The following RBFOX1 variants were observed in gnomAD, a reference collection of about 807,000 sequenced individuals.
RBFOX1 encodes the protein RNA binding fox-1 homolog 1.
A neutral mutation model predicts 57.7 loss-of-function variants in RBFOX1; 8 were observed. The observed-to-expected ratio is 0.14, with a 90% CI of 0.08 to 0.25. RBFOX1 has a LOEUF of 0.25. RBFOX1 is among the 10% of genes least tolerant of loss of function. The probability of loss-of-function intolerance (pLI) is 1.00; values close to 1 mark genes in which losing one functional copy is unlikely to be tolerated. For missense variants in RBFOX1, 611 were observed against 548.5 expected (o/e 1.11, Z -1.14); for synonymous variants, 326 against 222.4 (o/e 1.47, Z -4.15).
At chr16:6,800,552 G>T (rs1266029311) in intron 3 of RBFOX1, among the ~76,000 whole-genome samples, 1 of 152,118 alleles carries the variant, frequency 6.6e-6, no homozygotes, top group Non-Finnish European at 1.5e-5. Flanking sequence ...TACACTTTAA[G>T]TAACAAGCTT....
At chr16:7,239,914 G>C (rs1470019350) in intron 4 of RBFOX1, among the ~76,000 whole-genome samples, 3 of 152,158 alleles carry the variant, frequency 2.0e-5, no homozygotes, top group African/African-American at 4.8e-5. Context: ...TTGGTAGTTA[G>C]TATTTCAATT....
At chr16:7,281,497 GA>G (rs1260552400) in intron 4 of RBFOX1, among the ~76,000 whole-genome samples, 1 of 152,018 alleles carries the variant, frequency 6.6e-6, no homozygotes, top group Non-Finnish European at 1.5e-5. Flanking sequence ...AGTTTGTAGT[GA>G]AAAAGGATTG....
At chr16:5,889,546 T>G (rs2057994114) in intron 4 of RBFOX1, among the ~76,000 whole-genome samples, 1 of 152,260 alleles carries the variant, frequency 6.6e-6, no homozygotes, top group African/African-American at 2.4e-5. Flanking sequence ...TGTACCTTTA[T>G]AATAGAATGA....
At chr16:6,635,034 G>A (rs1452592716) in intron 2 of RBFOX1, among the ~76,000 whole-genome samples, 1 of 141,702 alleles carries the variant, frequency 7.1e-6, no homozygotes. Context: ...AATTATATAT[G>A]ACATGCATAT....
chr16:6,668,154 A>G (rs1050127127), intron 3 of RBFOX1, among the ~76,000 whole-genome samples: 3 of 152,234 alleles, frequency 2.0e-5, no homozygotes, highest in African/African-American at 4.8e-5. Flanking sequence ...AGTTGAGAGC[A>G]TAAGTAAAGG....
At chr16:5,647,939 A>T (rs896511752) in intron 3 of RBFOX1, among the ~76,000 whole-genome samples, 1 of 152,162 alleles carries the variant, frequency 6.6e-6, no homozygotes, top group African/African-American at 2.4e-5. Context: ...AGCTCACTGC[A>T]ACATCCACCT....
intron 4 of RBFOX1, among the ~76,000 whole-genome samples, chr16:7,129,446 G>C (rs2069590075): frequency 6.6e-6 from 1 of 152,126 alleles, no homozygotes; most frequent in African/African-American, 2.4e-5. Flanking sequence ...TAGAGATCAG[G>C]TGACAAAATA....
intron 3 of RBFOX1, among the ~76,000 whole-genome samples, chr16:5,677,713 A>G (rs1340349781): frequency 6.6e-6 from 1 of 152,198 alleles, no homozygotes; most frequent in Non-Finnish European, 1.5e-5. Flanking sequence ...TGAAAAACAC[A>G]TTTCTCTGAA....
At chr16:6,590,752 C>T (rs1005674129) in intron 2 of RBFOX1, among the ~76,000 whole-genome samples, 1 of 152,036 alleles carries the variant, frequency 6.6e-6, no homozygotes, top group Admixed American at 6.5e-5. Context: ...CTTAGCTGTC[C>T]GTGAAGGGTG....
At chr16:7,097,116 G>C (rs1286768157) in intron 4 of RBFOX1, among the ~76,000 whole-genome samples, 10 of 152,038 alleles carry the variant, frequency 6.6e-5, no homozygotes, top group Non-Finnish European at 1.5e-4. Context: ...AAATGTGCTT[G>C]GGAAATGCAA....
intron 3 of RBFOX1, among the ~76,000 whole-genome samples, chr16:6,924,067 G>C (rs1436574161): frequency 6.6e-6 from 1 of 151,972 alleles, no homozygotes; most frequent in East Asian, 1.9e-4. Flanking sequence ...CTTCTCGGGA[G>C]ACTGAGGCAT....
At chr16:7,208,883 G>A (rs959527052) in intron 4 of RBFOX1, among the ~76,000 whole-genome samples, 1 of 152,030 alleles carries the variant, frequency 6.6e-6, no homozygotes, top group South Asian at 2.1e-4. Context: ...GTTCTCCTAA[G>A]GACTAAGAGA....
chr16:5,425,996 G>A (rs373545094), intron 1 of RBFOX1, among the ~76,000 whole-genome samples: 21 of 152,318 alleles, frequency 1.4e-4, no homozygotes, highest in Admixed American at 7.8e-4. Context: ...GGGACAGGAA[G>A]TCTGGAGTGG....
At chr16:7,105,895 T>C (rs1166226474) in intron 4 of RBFOX1, among the ~76,000 whole-genome samples, 1 of 152,100 alleles carries the variant, frequency 6.6e-6, no homozygotes, top group East Asian at 1.9e-4. Context: ...ATTGTTTCAC[T>C]CAGGAGAGGT....
chr16:6,260,598 C>G (rs2097696085), intron 1 of RBFOX1, among the ~76,000 whole-genome samples: 2 of 152,160 alleles, frequency 1.3e-5, no homozygotes, highest in Admixed American at 6.5e-5. Context: ...TGCATCCAGG[C>G]CAGGCATGGT....
intron 1 of RBFOX1, among the ~76,000 whole-genome samples, chr16:6,103,845 C>A (rs1042228723): frequency 8.5e-5 from 13 of 152,090 alleles, no homozygotes; most frequent in Non-Finnish European, 1.2e-4. Context: ...TTGGTGAGGT[C>A]CACCCGCCAC....
chr16:5,581,300 A>T (rs1200623185), intron 2 of RBFOX1, among the ~76,000 whole-genome samples: 1 of 152,188 alleles, frequency 6.6e-6, no homozygotes, highest in Non-Finnish European at 1.5e-5. Context: ...TTGGGCGGAG[A>T]CAGAGGTCCT....
chr16:6,896,204 C>T (rs566587333), intron 3 of RBFOX1, among the ~76,000 whole-genome samples: 3 of 152,096 alleles, frequency 2.0e-5, no homozygotes, highest in East Asian at 3.9e-4. Flanking sequence ...ACCTGGCAGG[C>T]GAAGGTTGTA....
intron 1 of RBFOX1, among the ~76,000 whole-genome samples, chr16:6,282,518 C>G (rs1417700514): frequency 6.6e-6 from 1 of 151,944 alleles, no homozygotes; most frequent in East Asian, 1.9e-4. Context: ...GGTATTTGTC[C>G]TAATGCTCTC....
Sources: allele counts gnomAD v4.1 joint callset (sites outside exome capture counted in the v4.1 genomes callset), GRCh38; gene constraint gnomAD v4.1.1; transcripts MANE v1.5; gene names NCBI Gene and HGNC (gene_info 2026-07-23, HGNC 2026-07-21).